The following NRG1 variants were observed in gnomAD, a reference collection of about 807,000 sequenced individuals.
The protein encoded by NRG1 is neuregulin 1.
A neutral mutation model predicts 63.8 loss-of-function variants in NRG1; 18 were observed. The observed-to-expected ratio is 0.28, with a 90% CI of 0.19 to 0.42. The LOEUF (loss-of-function observed/expected upper bound fraction) is 0.42, where lower values mean the gene tolerates loss of function less well. Ranked by LOEUF, NRG1 falls within the 10% of genes least tolerant of loss-of-function variation. NRG1 has a pLI of 1.00. For missense variants in NRG1, 762 were observed against 814.7 expected, an observed-to-expected ratio of 0.94 and a Z score of 0.79; for synonymous variants, 302 against 301.3, an observed-to-expected ratio of 1.00 and a Z score of -0.02.
At chr8:31,828,644 G>T (rs555241938) in intron 1 of NRG1, among the ~76,000 whole-genome samples, 1 of 152,222 alleles carries the variant, frequency 6.6e-6, no homozygotes, top group African/African-American at 2.4e-5. Context: ...TTACACAGTG[G>T]GTGGCACCTG....
At chr8:32,653,957 C>CGTGTG (rs1554620504) in intron 5 of NRG1, among the ~76,000 whole-genome samples, 1 of 148,692 alleles carries the variant, frequency 6.7e-6, no homozygotes, top group Non-Finnish European at 1.5e-5. Context: ...CGTGTGTATG[C>CGTGTG]GTGTGTGTGT....
Position 32,695,897 on chromosome 8 carries a change from G to A in NRG1, c.503-32052G>A, listed in dbSNP as rs114143547. Among the ~76,000 whole-genome samples, 902 of 152,240 alleles carry A rather than the reference G, an allele frequency of 5.9e-3. 6 individuals are homozygous for A. The highest frequency in any genetic ancestry group is 0.021 in the African/African-American group (862 of 41,538). ...TCAAGCCAATTCTAAACAGTCCAAAGGCAAAACAAAAGAATGTGCCCAGTG... is the reference window on the plus strand; with the variant it reads ...TCAAGCCAATTCTAAACAGTCCAAAAGCAAAACAAAAGAATGTGCCCAGTG... On this transcript the variant is annotated intron_variant, in intron 5 of 11. Transcript: ENST00000356819.
At chr8:32,356,206 C>G (rs1563353479) in intron 1 of NRG1, among the ~76,000 whole-genome samples, 1 of 152,144 alleles carries the variant, frequency 6.6e-6, no homozygotes. Context: ...ATATCACATT[C>G]AAACATATGA....
At chr8:32,056,726 C>CA (rs1181368694) in intron 1 of NRG1, among the ~76,000 whole-genome samples, 1 of 152,110 alleles carries the variant, frequency 6.6e-6, no homozygotes, top group African/African-American at 2.4e-5. Context: ...CCTGAAGTGG[C>CA]AAAAATGCCA....
chr8:32,466,041 G>A (rs1823021954), intron 1 of NRG1, among the ~76,000 whole-genome samples: 1 of 152,038 alleles, frequency 6.6e-6, no homozygotes, highest in African/African-American at 2.4e-5. Flanking sequence ...TCATTAATGA[G>A]CCTGTAATAC....
At chr8:31,672,234 G>C (rs1807229579) in intron 1 of NRG1, among the ~76,000 whole-genome samples, 1 of 152,074 alleles carries the variant, frequency 6.6e-6, no homozygotes, top group Non-Finnish European at 1.5e-5. Flanking sequence ...TTTTTGTGAA[G>C]AGTTTTTTTT....
At chr8:32,750,834 A>G (rs1040195776) in intron 7 of NRG1, among the ~76,000 whole-genome samples, 1 of 151,544 alleles carries the variant, frequency 6.6e-6, no homozygotes, top group Non-Finnish European at 1.5e-5. Context: ...AAGGGGGAGC[A>G]CCTCTATTAC....
intron 5 of NRG1, among the ~76,000 whole-genome samples, chr8:32,645,222 G>A (rs565687694): frequency 6.6e-5 from 10 of 152,222 alleles, no homozygotes; most frequent in Admixed American, 2.6e-4. Flanking sequence ...TTTCTACACC[G>A]TGAAATTGTA....
At chr8:32,501,703 CTCTT>C (rs763934611) in intron 1 of NRG1, among the ~76,000 whole-genome samples, 12 of 152,194 alleles carry the variant, frequency 7.9e-5, no homozygotes, top group Non-Finnish European at 1.8e-4. Flanking sequence ...AAAATTTTAA[CTCTT>C]TCAATCTTAA....
chr8:31,755,341 G>A (rs985113821), intron 1 of NRG1, among the ~76,000 whole-genome samples: 14 of 152,032 alleles, frequency 9.2e-5, no homozygotes, highest in Admixed American at 3.9e-4. Context: ...CTTTAAGAAG[G>A]TATTTTATAA....
At chr8:31,965,512 T>C (rs1395848092) in intron 1 of NRG1, among the ~76,000 whole-genome samples, 1 of 152,170 alleles carries the variant, frequency 6.6e-6, no homozygotes, top group African/African-American at 2.4e-5. Context: ...TGTGAGCCAC[T>C]GCACCCAGCC....
intron 1 of NRG1, among the ~76,000 whole-genome samples, chr8:32,515,629 C>T (rs772614715): frequency 2.6e-5 from 4 of 152,018 alleles, no homozygotes; most frequent in Admixed American, 6.6e-5. Flanking sequence ...ATTGTAGAAA[C>T]AAGGACACAG....
intron 1 of NRG1, among the ~76,000 whole-genome samples, chr8:32,157,048 T>TTG (rs1238634569): frequency 1.0e-5 from 1 of 97,720 alleles, no homozygotes; most frequent in Non-Finnish European, 2.0e-5. Context: ...AAATTAAAAC[T>TTG]CGTGTGTGTG....
At chr8:32,427,634 T>C (rs1453923876) in intron 1 of NRG1, among the ~76,000 whole-genome samples, 1 of 152,182 alleles carries the variant, frequency 6.6e-6, no homozygotes. Flanking sequence ...GGTAAACCTG[T>C]TTTCAATCCT....
At chr8:32,396,972 T>C (rs1309613120) in intron 1 of NRG1, among the ~76,000 whole-genome samples, 1 of 152,212 alleles carries the variant, frequency 6.6e-6, no homozygotes, top group Admixed American at 6.5e-5. Flanking sequence ...CCTCTATCCA[T>C]TTCCCAATTC....
intron 1 of NRG1, among the ~76,000 whole-genome samples, chr8:31,867,426 T>C (rs16878388): frequency 0.15 from 22,952 of 152,166 alleles, 2,053 homozygotes; most frequent in Non-Finnish European, 0.19. Flanking sequence ...AATAACAATT[T>C]GTCCTTTTGA....
intron 1 of NRG1, among the ~76,000 whole-genome samples, chr8:32,048,894 A>G (rs546522791): frequency 1.3e-5 from 2 of 152,092 alleles, no homozygotes; most frequent in East Asian, 1.9e-4. Context: ...TTTTACAAAT[A>G]TGTTTTCCCA....
chr8:32,750,416 G>T (rs1200358896), intron 7 of NRG1, among the ~76,000 whole-genome samples: 1 of 152,082 alleles, frequency 6.6e-6, no homozygotes, highest in Non-Finnish European at 1.5e-5. Flanking sequence ...AAGGAGCTGT[G>T]CTACCTTCCC....
At chr8:32,549,020 C>T (rs992098198) in intron 1 of NRG1, among the ~76,000 whole-genome samples, 194 bp downstream of exon 1, 2 of 152,210 alleles carry the variant, frequency 1.3e-5, no homozygotes, top group African/African-American at 4.8e-5. Context: ...CGAGTCCTAC[C>T]GGGCGCCTAC....
Sources: allele counts gnomAD v4.1 joint callset (sites outside exome capture counted in the v4.1 genomes callset), GRCh38; gene constraint gnomAD v4.1.1; transcripts MANE v1.5; gene names NCBI Gene and HGNC (gene_info 2026-07-23, HGNC 2026-07-21).